The following EFHD2 variants were observed in gnomAD, a reference collection of about 807,000 sequenced individuals.
The protein encoded by EFHD2 is EF-hand domain-containing protein D2.
In EFHD2, 12 loss-of-function variants were observed where a neutral mutation model predicts 20.3. That is an observed-to-expected ratio of 0.59 (90% CI 0.38 to 0.96). The LOEUF (loss-of-function observed/expected upper bound fraction) is 0.96. Ranked by LOEUF, EFHD2 falls within the 40% of genes least tolerant of loss-of-function variation. The probability of loss-of-function intolerance (pLI) is 0.00; values close to 1 mark genes in which losing one functional copy is unlikely to be tolerated. For synonymous variants in EFHD2, 131 were observed against 143.9 expected (o/e 0.91, Z 0.64); for missense variants, 250 against 334.3 (o/e 0.75, Z 1.97).
At chr1:15,418,335 T>G (rs1707718466) in intron 1 of EFHD2, among the ~76,000 whole-genome samples, 1 of 118,910 alleles carries the variant, frequency 8.4e-6, no homozygotes, top group Non-Finnish European at 1.7e-5. Flanking sequence ...AGATGGAGTC[T>G]CGCTCTGTCA....
intron 1 of EFHD2, among the ~76,000 whole-genome samples, chr1:15,420,753 C>T (rs896258612): frequency 6.6e-6 from 1 of 152,074 alleles, no homozygotes; most frequent in African/African-American, 2.4e-5. Context: ...CTCCTGACCT[C>T]GTGATCCGCC....
intron 1 of EFHD2, 50 bp downstream of exon 1, chr1:15,410,329 G>T (rs1707455923): frequency 2.0e-6 from 3 of 1,488,348 alleles, no homozygotes; most frequent in Admixed American, 2.3e-5. Context: ...ACCCGGTCTC[G>T]GGCCCCGAAC....
chr1:15,428,907 C>G lies in EFHD2; in HGVS notation c.*183C>G, dbSNP rs1707919066. ...TGGCCCGGCCCCTCCCCGCTCCCTTCCACTCTGCACGAGGCCGCCACACCG... is the reference window on the plus strand; with the variant it reads ...TGGCCCGGCCCCTCCCCGCTCCCTTGCACTCTGCACGAGGCCGCCACACCG... On this transcript the variant is annotated 3_prime_UTR_variant, in exon 4 of 4. Transcript: ENST00000375980. 1 of 889,218 alleles carries G rather than the reference C, an allele frequency of 1.1e-6. No individual in the cohort carries two copies. Among genetic ancestry groups the G allele is most frequent in the Admixed American group, 2.8e-5 (1 of 35,284 alleles). 55.1% of individuals were successfully genotyped at this position (889,218 alleles called of 1,614,324 possible).
rs1707917884 is a variant in EFHD2, at chr1:15,428,827, T to C, written c.*103T>C. The C allele has an allele frequency of 1.3e-6, 2 of 1,499,240 alleles. No homozygotes were observed. The highest frequency in any genetic ancestry group is 2.8e-5 in the African/African-American group (2 of 71,646). The allele number at this position is 1,499,240 out of a possible 1,614,324, so 92.9% of individuals were successfully genotyped here. ...CCTTGCCTGTGTCTGACGGGACCAC[T>C]ACTAAAAACCTAAAAATATCTGTGA... On this transcript the variant is annotated 3_prime_UTR_variant, in exon 4 of 4. Transcript: ENST00000375980.
chr1:15,410,398 A>C, intron 1 of EFHD2, 119 bp downstream of exon 1: 1 of 1,263,050 alleles, frequency 7.9e-7, no homozygotes, highest in Non-Finnish European at 1.1e-6. Context: ...AGCTTCCCCG[A>C]ACCCAGACGC....
At chr1:15,420,028 C>T (rs916378348) in intron 1 of EFHD2, among the ~76,000 whole-genome samples, 3 of 152,098 alleles carry the variant, frequency 2.0e-5, no homozygotes, top group African/African-American at 4.8e-5. Flanking sequence ...GAGGAGAGGT[C>T]ATGCTGGAGG....
chr1:15,427,819 A>G (rs546594590), intron 3 of EFHD2: 3 of 444,208 alleles, frequency 6.8e-6, no homozygotes, highest in Non-Finnish European at 1.4e-5. Flanking sequence ...TTTCCTTGCT[A>G]AGAACATTCC....
chr1:15,424,478 A>G (rs918992805), intron 1 of EFHD2, among the ~76,000 whole-genome samples: 20 of 152,102 alleles, frequency 1.3e-4, no homozygotes, highest in African/African-American at 4.6e-4. Context: ...CCAGGTTGTT[A>G]GTGGTAGAAA....
Position 15,410,154 on chromosome 1 carries a change from G to C in EFHD2, c.183G>C (p.Arg61=). Reference sequence around the variant, plus strand: ...GCGAGCTGAGCGCCAAGCTGCTGCGGCGCGCAGACCTCAACCAGGGCATCG... The same window carrying C: ...GCGAGCTGAGCGCCAAGCTGCTGCGCCGCGCAGACCTCAACCAGGGCATCG... ...ADCELSAKLL[R]RADLNQGIGE... is the part of the protein sequence containing the mutation. Residue 61 remains arginine, a synonymous_variant, in exon 1 of 4, where the codon CGG becomes CGC. Transcript: ENST00000375980. 1 of 1,599,452 alleles carries C rather than the reference G, an allele frequency of 6.3e-7. No individual in the cohort carries two copies. Among genetic ancestry groups the C allele is most frequent in the Non-Finnish European group, 8.5e-7 (1 of 1,174,674 alleles).
rs1707932206 is a variant in EFHD2 at position 15,429,517 on chromosome 1, C to T, written c.*793C>T. 1 of 152,670 alleles carries T rather than the reference C, an allele frequency of 6.6e-6. No individual in the cohort carries two copies. Among genetic ancestry groups the T allele is most frequent in the Non-Finnish European group, 1.5e-5 (1 of 68,068 alleles). The allele number at this position is 152,670 out of a possible 1,614,324, so 9.5% of individuals were successfully genotyped here. On this transcript the variant is annotated 3_prime_UTR_variant, in exon 4 of 4. Coordinates refer to ENST00000375980, the MANE Select transcript of EFHD2 (RefSeq NM_024329.6). The stretch of plus-strand genomic sequence containing the variant: ...GTCGGAGACACCGCTGCTTAGCACC[C>T]CCAGCCAGAACACCCTGAGGGTCTC...
chr1:15,427,857 T>C (rs1443215621), intron 3 of EFHD2: 1 of 467,858 alleles, frequency 2.1e-6, no homozygotes, highest in Non-Finnish European at 4.4e-6. Context: ...CACCACCCTC[T>C]GGGCTTCGGA....
At chr1:15,419,485 G>A (rs1203956102) in intron 1 of EFHD2, among the ~76,000 whole-genome samples, 1 of 152,152 alleles carries the variant, frequency 6.6e-6, no homozygotes, top group Non-Finnish European at 1.5e-5. Flanking sequence ...CACTGGCCCT[G>A]CAAGCTTGAG....
chr1:15,427,292 G>T lies in EFHD2; in HGVS notation c.591+8G>T. 1.2e-6 allele frequency: 2 copies of T among 1,603,110 alleles called. No homozygotes were observed. The highest frequency in any genetic ancestry group is 1.7e-6 in the Non-Finnish European group (2 of 1,175,498). On this transcript the variant is annotated splice_region_variant and intron_variant, in intron 3 of 3. Transcript: ENST00000375980. ...AGCTTCTTTGAGGCCAAGGTGAGGA[G>T]CCCAAGGGGTGCCCTGACCCACGCT...
chr1:15,414,663 C>G (rs1707621799), intron 1 of EFHD2, among the ~76,000 whole-genome samples: 1 of 152,248 alleles, frequency 6.6e-6, no homozygotes, highest in Non-Finnish European at 1.5e-5. Context: ...CACTTAACCA[C>G]CAGCGGAGCT....
intron 1 of EFHD2, among the ~76,000 whole-genome samples, chr1:15,415,224 A>G (rs1285248536): frequency 6.6e-6 from 1 of 152,202 alleles, no homozygotes; most frequent in East Asian, 1.9e-4. Context: ...ACAAACATGT[A>G]TAGAGGTTTG....
At chr1:15,424,705 A>C in intron 1 of EFHD2, among the ~76,000 whole-genome samples, 1 of 151,982 alleles carries the variant, frequency 6.6e-6, no homozygotes, top group African/African-American at 2.4e-5. Flanking sequence ...TGCCTTAGAT[A>C]CCCCTTCATT....
Position 15,417,313 on chromosome 1 carries a change from G to C in EFHD2, c.308+7034G>C, listed in dbSNP as rs75937809. Among the ~76,000 whole-genome samples the C allele has an allele frequency of 7.3e-3, 1,111 of 152,282 alleles. 3 individuals are homozygous for C. Among genetic ancestry groups the C allele is most frequent in the Non-Finnish European group, 0.011 (763 of 68,018 alleles). On this transcript the variant is annotated intron_variant, in intron 1 of 3. Transcript: ENST00000375980. ...GATTAAGTTACGTTATAAACACTGG[G>C]TTATGTTAATATTAGGCATTCAATA...
chr1:15,411,972 G>T (rs997163172), intron 1 of EFHD2, among the ~76,000 whole-genome samples: 3 of 152,108 alleles, frequency 2.0e-5, no homozygotes, highest in Admixed American at 2.0e-4. Flanking sequence ...TCCCAGTTGC[G>T]GGTGGCTGAG....
intron 1 of EFHD2, among the ~76,000 whole-genome samples, chr1:15,416,895 A>C (rs1038498578): frequency 1.3e-5 from 2 of 152,018 alleles, no homozygotes; most frequent in Non-Finnish European, 2.9e-5. Flanking sequence ...CTGCAGCCTC[A>C]ACTTCCTGGG....
Sources: gnomAD v4.1 joint callset for allele counts (sites outside exome capture counted in the v4.1 genomes callset) on GRCh38, gnomAD v4.1.1 for gene constraint, MANE v1.5 for transcripts, NCBI Gene and HGNC (gene_info 2026-07-23, HGNC 2026-07-21) for gene names.